Variants in TMEM82 observed in about 807,000 individuals in gnomAD.
The protein encoded by TMEM82 is transmembrane protein 82.
Under a neutral mutation model 29.2 loss-of-function variants are expected in TMEM82, and 30 were observed. That is an observed-to-expected ratio of 1.03 (90% CI 0.77 to 1.39). The LOEUF is 1.39. Ranked by LOEUF, TMEM82 falls within the 40% of genes most tolerant of loss-of-function variation. TMEM82 has a pLI of 0.00. For missense variants in TMEM82, 442 were observed against 447.7 expected (o/e 0.99, Z 0.12); for synonymous variants, 221 against 225.4 (o/e 0.98, Z 0.18).
chr1:15,745,978 G>A (rs2068332182), intron 4 of TMEM82, among the ~76,000 whole-genome samples: 1 of 151,112 alleles, frequency 6.6e-6, no homozygotes, highest in Non-Finnish European at 1.5e-5. Context: ...ACCTGCCTCA[G>A]CTTCCCGAAG....
intron 3 of TMEM82, among the ~76,000 whole-genome samples, 170 bp from the exon 4 acceptor site, chr1:15,743,990 A>G (rs962303526): frequency 6.6e-6 from 1 of 151,764 alleles, no homozygotes; most frequent in African/African-American, 2.4e-5. Flanking sequence ...CAAAACCCAT[A>G]TGATTGAAAT....
intron 4 of TMEM82, among the ~76,000 whole-genome samples, chr1:15,746,461 T>C (rs1362818632): frequency 6.6e-6 from 1 of 150,868 alleles, no homozygotes; most frequent in Admixed American, 6.6e-5. Flanking sequence ...CAAGGAGGCT[T>C]CTTGGAAAGA....
chr1:15,746,910 G>C lies in TMEM82; in HGVS notation c.801G>C (p.Thr267=), dbSNP rs149895521. The part of the protein sequence containing the change: ...QHPGLQSQVQ[T]VLVRMGGLFV... ...CCGGCCTGCAGAGCCAGGTGCAGAC[G>C]GTGCTGGTGCGCATGGGCGGCCTCT... is the stretch of plus-strand genomic sequence containing the variant. The change falls in exon 5 of 6, where the codon ACG becomes ACC. Residue 267 remains threonine, a synonymous_variant. Transcript: ENST00000375782. 9 of 1,605,118 alleles carry C rather than the reference G, an allele frequency of 5.6e-6. No individual in the cohort carries two copies. Among genetic ancestry groups the C allele is most frequent in the Non-Finnish European group, 5.9e-6 (7 of 1,179,260 alleles).
rs200049164 is a variant in TMEM82, at chr1:15,743,168, G to A, written c.310G>A (p.Val104Met). 3.7e-5 allele frequency: 59 copies of A among 1,609,454 alleles called. No individual in the cohort carries two copies. Among genetic ancestry groups the A allele is most frequent in the Admixed American group, 6.7e-5 (4 of 59,962 alleles). Residue 104 changes from valine (V) to methionine (M), a missense_variant, in exon 3 of 6, where the codon GTG becomes ATG. Physicochemically the swap from Val to Met is conservative, Grantham distance 21 (BLOSUM62 1). Transcript: ENST00000375782. ...GGTGCTCGAGTTCTCCCTCCGGGCCGTGTCCACGCTGCTGTCCCTGGGCAA... is the reference window on the plus strand; with the variant it reads ...GGTGCTCGAGTTCTCCCTCCGGGCCATGTCCACGCTGCTGTCCCTGGGCAA... Reference protein sequence around the residue: ...LVVLEFSLRAVSTLLSLGKGS... With the variant: ...LVVLEFSLRAMSTLLSLGKGS...
In TMEM82 at chr1:15,744,810, C is replaced by T. The variant is rs974658386; in HGVS notation, c.757+230C>T. Reference sequence around the variant, plus strand: ...ATGAGCAGGAGATCCCTAAGAGAAGCGAGGCAGGGAACAGAATCTTGGACA... The same window carrying T: ...ATGAGCAGGAGATCCCTAAGAGAAGTGAGGCAGGGAACAGAATCTTGGACA... On this transcript the variant is annotated intron_variant, in intron 4 of 5. Transcript: ENST00000375782. The surrounding 1 kb of genome is among the most constrained non-coding windows in gnomAD (Gnocchi z 5.2). Among the ~76,000 whole-genome samples, 3 of 152,078 alleles carry T rather than the reference C, an allele frequency of 2.0e-5. No homozygotes were observed. The highest frequency in any genetic ancestry group is 4.4e-5 in the Non-Finnish European group (3 of 68,024).
In TMEM82 at chr1:15,742,843, G is replaced by C. The variant is rs145367240; in HGVS notation, c.97G>C (p.Gly33Arg). ...LLDSLLQGLI[G>R]ALGVLVLNSL... ...CCCTCCCGCCCCCTCAGGCCTGATCGGGGCCCTTGGAGTCTTGGTCCTGAA... is the reference window on the plus strand; with the variant it reads ...CCCTCCCGCCCCCTCAGGCCTGATCCGGGCCCTTGGAGTCTTGGTCCTGAA... The change falls in exon 2 of 6, where the codon GGG becomes CGG. Residue 33 changes from glycine to arginine, a missense_variant. Transcript: ENST00000375782. 3.7e-6 allele frequency: 6 copies of C among 1,612,528 alleles called. No individual in the cohort carries two copies. Among genetic ancestry groups the C allele is most frequent in the South Asian group, 2.2e-5 (2 of 91,060 alleles).
At position 15,744,014 on chromosome 1, in the gene TMEM82, A is replaced by T. The variant is rs1311964552; in HGVS notation, c.337-146A>T. ...TATGATTGAAATTAAGGTGAGAGAG[A>T]TGATCCCCTAGGGCTTCATCTGAAG... On this transcript the variant is annotated intron_variant, in intron 3 of 5. Coordinates refer to ENST00000375782, the MANE Select transcript of TMEM82 (RefSeq NM_001013641.3). This position sits in a 1 kb window ranked among gnomAD's most constrained non-coding sequence, Gnocchi z 5.2. The T allele has an allele frequency of 5.9e-6, 4 of 680,838 alleles. No homozygotes were observed. In the African/African-American group the frequency reaches 7.4e-5, roughly 13 times the overall value. The allele number at this position is 680,838 out of a possible 1,614,324, so 42.2% of individuals were successfully genotyped here. A position where few individuals can be genotyped will look rare whatever the true frequency, so the allele number is the denominator to read the frequency against.
Position 15,744,048 on chromosome 1 carries a change from G to A in TMEM82, c.337-112G>A. The stretch of plus-strand genomic sequence containing the variant: ...TAGGGCTTCATCTGAAGCCGATGTG[G>A]CCCCTTCGGGAACCATCCCCAAGGT... On this transcript the variant is annotated intron_variant, in intron 3 of 5. Coordinates refer to ENST00000375782, the MANE Select transcript of TMEM82 (RefSeq NM_001013641.3). This position sits in a 1 kb window ranked among gnomAD's most constrained non-coding sequence, Gnocchi z 5.2. 1.9e-6 allele frequency: 2 copies of A among 1,069,682 alleles called. No homozygotes were observed. Among genetic ancestry groups the A allele is most frequent in the East Asian group, 2.7e-5 (1 of 37,530 alleles). 66.3% of individuals were successfully genotyped at this position (1,069,682 alleles called of 1,614,324 possible).
At chr1:15,746,800 G>A in intron 4 of TMEM82, 67 bp from the exon 5 acceptor site, 1 of 1,399,324 alleles carries the variant, frequency 7.1e-7, no homozygotes, top group South Asian at 1.3e-5. Context: ...TGGAGGGTGG[G>A]TCAGGGAGCA....
chr1:15,747,459 G>A (rs2068345090), intron 5 of TMEM82, 87 bp from the exon 6 acceptor site: 1 of 1,158,502 alleles, frequency 8.6e-7, no homozygotes, highest in Non-Finnish European at 1.3e-6. Flanking sequence ...GAGGCCCAAG[G>A]GGGAGGAAGT....
At chr1:15,746,283 A>G (rs1219982593) in intron 4 of TMEM82, among the ~76,000 whole-genome samples, 1 of 151,882 alleles carries the variant, frequency 6.6e-6, no homozygotes, top group Non-Finnish European at 1.5e-5. Flanking sequence ...CAGGAGTTCA[A>G]AACCAGCCTG....
intron 5 of TMEM82, 54 bp downstream of exon 5, chr1:15,747,108 C>T (rs2068342438): frequency 2.6e-6 from 4 of 1,556,862 alleles, no homozygotes; most frequent in Middle Eastern, 1.7e-4. Context: ...CTTCAAACAG[C>T]CCAGGAGCCT....
rs1557671409 is a variant in TMEM82 at position 15,742,527 on chromosome 1, TG to T, written c.-31del. The T allele has an allele frequency of 6.5e-7, 1 of 1,537,952 alleles. No individual in the cohort carries two copies. Among genetic ancestry groups the T allele is most frequent in the Non-Finnish European group, 8.8e-7 (1 of 1,142,062 alleles). On this transcript the variant is annotated 5_prime_UTR_variant, in exon 1 of 6. Coordinates refer to ENST00000375782, the MANE Select transcript of TMEM82 (RefSeq NM_001013641.3). Reference sequence around the variant, plus strand: ...ACGTTGGTCTGTCCTTACGCAGACCTGGCCGGAGGCTGGGGCTCCTTCCGGG... The same window carrying T: ...ACGTTGGTCTGTCCTTACGCAGACCTGCCGGAGGCTGGGGCTCCTTCCGGG...
chr1:15,747,745 A>T lies in TMEM82; in HGVS notation c.*113A>T. On this transcript the variant is annotated 3_prime_UTR_variant, in exon 6 of 6. Transcript: ENST00000375782. ...GTGGCAGAGCTGGCCTCCTGCCCAG[A>T]GCTCAGCACAGGCCCTGGGAGCCCC... is the stretch of plus-strand genomic sequence containing the variant. 1 of 926,174 alleles carries T rather than the reference A, an allele frequency of 1.1e-6. No individual in the cohort carries two copies. Among genetic ancestry groups the T allele is most frequent in the Non-Finnish European group, 1.6e-6 (1 of 612,700 alleles). The allele number at this position is 926,174 out of a possible 1,614,324, so 57.4% of individuals were successfully genotyped here. A position where few individuals can be genotyped will look rare whatever the true frequency, so the allele number is the denominator to read the frequency against.
intron 4 of TMEM82, among the ~76,000 whole-genome samples, chr1:15,746,302 A>T (rs2068334833): frequency 6.6e-6 from 1 of 151,020 alleles, no homozygotes; most frequent in African/African-American, 2.4e-5. Context: ...TGGCCAACAT[A>T]GTGAAACCCC....
In TMEM82 at chr1:15,742,791, A is replaced by AC. The variant is rs749771964; in HGVS notation, c.89-43dup. On this transcript the variant is annotated intron_variant, in intron 1 of 5. Coordinates refer to ENST00000375782, the MANE Select transcript of TMEM82 (RefSeq NM_001013641.3). ...CCTACCAATGAAGCCTGCCCTCCTA[A>AC]CACCCCTGCACGCTGCCTCGCTGCC... The AC allele has an allele frequency of 1.9e-6, 3 of 1,588,722 alleles. No homozygotes were observed. The African/African-American group carries it at 4.0e-5, about 21-fold the overall frequency.
chr1:15,745,882 C>T (rs1557673058), intron 4 of TMEM82, among the ~76,000 whole-genome samples: 1 of 143,246 alleles, frequency 7.0e-6, no homozygotes, highest in African/African-American at 2.7e-5. Flanking sequence ...GGGCGAAACT[C>T]CATCTCAAAC....
chr1:15,744,204 C>G lies in TMEM82; in HGVS notation c.381C>G (p.Cys127Trp). 6.3e-7 allele frequency: 1 copy of G among 1,590,438 alleles called. No individual in the cohort carries two copies. Reference sequence around the variant, plus strand: ...AGAGGCTGCAGCTCTACCTGCTGTGCCAGTACTCGCTGGGCTGCGGGCTGA... The same window carrying G: ...AGAGGCTGCAGCTCTACCTGCTGTGGCAGTACTCGCTGGGCTGCGGGCTGA... ...AAERLQLYLL[C>W]QYSLGCGLTC... The change falls in exon 4 of 6, where the codon TGC (cysteine) becomes TGG (tryptophan). Residue 127 changes from cysteine (C) to tryptophan (W), a missense_variant. Cys to Trp is a radical substitution (Grantham distance 215, BLOSUM62 -2). Coordinates refer to ENST00000375782, the MANE Select transcript of TMEM82 (RefSeq NM_001013641.3). This position sits in a 1 kb window ranked among gnomAD's most constrained non-coding sequence, Gnocchi z 5.2.
intron 4 of TMEM82, among the ~76,000 whole-genome samples, chr1:15,745,570 AGAGAGAAAGAGAGAG>A (rs2068328695): frequency 6.6e-6 from 1 of 151,036 alleles, no homozygotes; most frequent in Non-Finnish European, 1.5e-5. Context: ...AAAGAGAGAG[AGAGAGAAAGAGAGAG>A]AGAGAGAAAG....
Sources: gnomAD v4.1 joint callset for allele counts (sites outside exome capture counted in the v4.1 genomes callset) on GRCh38, gnomAD v4.1.1 for gene constraint, Gnocchi (gnomAD v3.1) non-coding constraint, MANE v1.5 for transcripts, NCBI Gene and HGNC (gene_info 2026-07-23, HGNC 2026-07-21) for gene names.